The following MAPKAP1 variants were observed in gnomAD, a reference collection of about 807,000 sequenced individuals.
MAPKAP1 encodes MAPK associated protein 1.
In MAPKAP1, 20 loss-of-function variants were observed where a neutral mutation model predicts 65.7. That is an observed-to-expected ratio of 0.30 (90% CI 0.21 to 0.44). MAPKAP1 has a LOEUF of 0.44. Ranked by LOEUF, MAPKAP1 falls within the 20% of genes least tolerant of loss-of-function variation. The pLI is 1.00. For missense variants in MAPKAP1, 423 were observed against 648.0 expected (o/e 0.65, Z 3.77); for synonymous variants, 222 against 244.3 (o/e 0.91, Z 0.85).
rs115342687 is a variant in MAPKAP1, at chr9:125,692,294, A to C, written c.-70+14677T>G. Among the ~76,000 whole-genome samples, 1,055 of 152,354 alleles carry C rather than the reference A, an allele frequency of 6.9e-3. 17 individuals carry two copies. The highest frequency in any genetic ancestry group is 0.023 in the African/African-American group (954 of 41,584). The stretch of plus-strand genomic sequence containing the variant: ...ATCAACTGATGAACAGATAAACAAA[A>C]TGTGGTACAGACATACAATGGAATA... On this transcript the variant is annotated intron_variant, in intron 1 of 11. Coordinates refer to ENST00000265960, the MANE Select transcript of MAPKAP1 (RefSeq NM_001006617.3).
At chr9:125,687,987 T>C (rs1835035119) in intron 1 of MAPKAP1, among the ~76,000 whole-genome samples, 1 of 152,210 alleles carries the variant, frequency 6.6e-6, no homozygotes, top group African/African-American at 2.4e-5. Context: ...ATCCTCAAAC[T>C]ACTTTTATGT....
chr9:125,545,498 G>T (rs1830397589), intron 6 of MAPKAP1, among the ~76,000 whole-genome samples: 1 of 152,142 alleles, frequency 6.6e-6, no homozygotes, highest in Admixed American at 6.5e-5. Flanking sequence ...AAGTTCTCGG[G>T]TACTCACAAA....
In MAPKAP1 at chr9:125,612,154, T is replaced by A. The variant is rs190282090; in HGVS notation, c.499-26427A>T. 2.6e-5 allele frequency among the ~76,000 whole-genome samples: 4 copies of A among 152,332 alleles called. No homozygotes were observed. In the East Asian group the frequency reaches 7.7e-4, roughly 29 times the overall value. On this transcript the variant is annotated intron_variant, in intron 4 of 11. Transcript: ENST00000265960. Reference sequence around the variant, plus strand: ...TATTTTTTGATACATGAGTTACTTATAAGCGCTCAAAAAGTTTTAGATTTT... The same window carrying A: ...TATTTTTTGATACATGAGTTACTTAAAAGCGCTCAAAAAGTTTTAGATTTT...
chr9:125,545,196 A>G (rs1275569459), intron 6 of MAPKAP1, among the ~76,000 whole-genome samples: 1 of 152,218 alleles, frequency 6.6e-6, no homozygotes, highest in African/African-American at 2.4e-5. Flanking sequence ...ACAATCTTTA[A>G]AAGTTTATTT....
chr9:125,467,642 G>A (rs867132091), intron 10 of MAPKAP1, among the ~76,000 whole-genome samples: 18 of 152,286 alleles, frequency 1.2e-4, no homozygotes, highest in Middle Eastern at 6.8e-3. Context: ...GAAGGGGAAG[G>A]GAGCCCAAAG....
intron 3 of MAPKAP1, among the ~76,000 whole-genome samples, chr9:125,669,339 G>A (rs1409394715): frequency 2.0e-5 from 3 of 151,976 alleles, no homozygotes; most frequent in Non-Finnish European, 4.4e-5. Flanking sequence ...AATTAGCCAG[G>A]TGTGGTGGCA....
chr9:125,675,671 T>TA (rs1834623441), intron 1 of MAPKAP1, among the ~76,000 whole-genome samples: 1 of 152,190 alleles, frequency 6.6e-6, no homozygotes, highest in African/African-American at 2.4e-5. Context: ...CTTAAAGACT[T>TA]AGACTATAAG....
intron 4 of MAPKAP1, among the ~76,000 whole-genome samples, chr9:125,615,970 T>C (rs1021664627): frequency 6.6e-6 from 1 of 150,916 alleles, no homozygotes; most frequent in African/African-American, 2.4e-5. Flanking sequence ...GCATGATTTA[T>C]CAGTTACCAG....
At chr9:125,502,176 A>T (rs1829001702) in intron 8 of MAPKAP1, among the ~76,000 whole-genome samples, 1 of 150,932 alleles carries the variant, frequency 6.6e-6, no homozygotes, top group Admixed American at 6.6e-5. Context: ...ATCTCAGCTC[A>T]CTGCAACCTC....
intron 1 of MAPKAP1, among the ~76,000 whole-genome samples, chr9:125,689,436 G>GGAA (rs1427465442): frequency 1.2e-3 from 18 of 15,266 alleles, no homozygotes; most frequent in African/African-American, 3.6e-3. Flanking sequence ...CTCCATCTCG[G>GGAA]AAAAAAAAAA....
chr9:125,550,928 C>G (rs933264544), intron 6 of MAPKAP1, among the ~76,000 whole-genome samples: 1 of 152,212 alleles, frequency 6.6e-6, no homozygotes, highest in South Asian at 2.1e-4. Context: ...CAAGCATCTT[C>G]TTTTATTCCT....
In MAPKAP1 at chr9:125,669,833, T is replaced by G. The variant is rs758230111; in HGVS notation, c.334A>C (p.Asn112His). ...KCKNIQWKER[N>H]SKQSAQELKS... ...TTCCATTTACCTGATTGCTTAGAAT[T>G]TCTTTCTTTCCACTGAATATTTTTG... is the stretch of plus-strand genomic sequence containing the variant. Residue 112 changes from asparagine to histidine, a missense_variant, in exon 3 of 12, where the codon AAT (asparagine) becomes CAT (histidine). Coordinates refer to ENST00000265960, the MANE Select transcript of MAPKAP1 (RefSeq NM_001006617.3). 6.4e-7 allele frequency: 1 copy of G among 1,565,950 alleles called. No homozygotes were observed. Among genetic ancestry groups the G allele is most frequent in the East Asian group, 2.3e-5 (1 of 43,992 alleles).
At chr9:125,518,112 C>T (rs975225576) in intron 7 of MAPKAP1, among the ~76,000 whole-genome samples, 15 of 152,182 alleles carry the variant, frequency 9.9e-5, no homozygotes, top group African/African-American at 3.6e-4. Flanking sequence ...GCTAATATTC[C>T]TATCCTAAGA....
intron 4 of MAPKAP1, among the ~76,000 whole-genome samples, chr9:125,592,482 A>G (rs184353142): frequency 5.2e-5 from 8 of 152,388 alleles, no homozygotes; most frequent in Admixed American, 2.0e-4. Flanking sequence ...TGTAAATATT[A>G]TAAACTAAAA....
At position 125,449,794 on chromosome 9, in the gene MAPKAP1, AGGCTGCTGT is replaced by A. The variant is rs368057271; in HGVS notation, c.1346-5205_1346-5197del. On this transcript the variant is annotated intron_variant, in intron 10 of 11. Transcript: ENST00000265960. ...TTCAGGGGGCGTGGCCATGTTGGAA[AGGCTGCTGT>A]GGTCATGAGATGGGATGGCTTAAAC... Among the ~76,000 whole-genome samples, 590 of 152,332 alleles carry A rather than the reference AGGCTGCTGT, an allele frequency of 3.9e-3. 7 individuals are homozygous for A. The highest frequency in any genetic ancestry group is 0.014 in the African/African-American group (571 of 41,582).
intron 4 of MAPKAP1, among the ~76,000 whole-genome samples, chr9:125,594,480 C>T (rs1436848999): frequency 6.6e-6 from 1 of 152,222 alleles, no homozygotes; most frequent in Non-Finnish European, 1.5e-5. Context: ...CCTCTCAGAA[C>T]TTGTATTTAC....
chr9:125,442,497 A>T (rs181003515), intron 11 of MAPKAP1, among the ~76,000 whole-genome samples: 2 of 151,812 alleles, frequency 1.3e-5, no homozygotes, highest in Non-Finnish European at 2.9e-5. Flanking sequence ...TAATTTTACT[A>T]GAATCCTTCT....
At chr9:125,675,428 G>C (rs1834616389) in intron 1 of MAPKAP1, among the ~76,000 whole-genome samples, 1 of 152,136 alleles carries the variant, frequency 6.6e-6, no homozygotes. Context: ...AGAGGAATGG[G>C]CAAACACTTC....
At chr9:125,666,779 T>C (rs887064466) in intron 3 of MAPKAP1, among the ~76,000 whole-genome samples, 55 of 152,234 alleles carry the variant, frequency 3.6e-4, no homozygotes, top group African/African-American at 1.3e-3. Flanking sequence ...AGATGTTTAG[T>C]GGACTGCTGA....
Sources: allele counts gnomAD v4.1 joint callset (sites outside exome capture counted in the v4.1 genomes callset), GRCh38; gene constraint gnomAD v4.1.1; transcripts MANE v1.5; gene names NCBI Gene and HGNC (gene_info 2026-07-23, HGNC 2026-07-21).